ZNF407: variants seen among roughly 807,000 people sequenced by gnomAD.
ZNF407 encodes the protein zinc finger protein 407.
In ZNF407, 17 loss-of-function variants were observed where a neutral mutation model predicts 131.2. That is an observed-to-expected ratio of 0.13 (90% CI 0.09 to 0.19). The LOEUF is 0.19. ZNF407 is among the 10% of genes least tolerant of loss of function. ZNF407 has a pLI of 1.00. For missense variants in ZNF407, 2,681 were observed against 2,830.6 expected (o/e 0.95, Z 1.20); for synonymous variants, 1,156 against 1,062.0 (o/e 1.09, Z -1.72).
At chr18:74,684,181 T>A (rs1967046139) in intron 3 of ZNF407, among the ~76,000 whole-genome samples, 1 of 152,116 alleles carries the variant, frequency 6.6e-6, no homozygotes, top group Non-Finnish European at 1.5e-5. Flanking sequence ...GTTTTGTAGA[T>A]CTTTTCAGAG....
intron 4 of ZNF407, among the ~76,000 whole-genome samples, chr18:74,792,766 T>C (rs1051991349): frequency 6.6e-6 from 1 of 152,178 alleles, no homozygotes; most frequent in Admixed American, 6.5e-5. Context: ...CTTTTTCCTT[T>C]AGCTGAAACG....
At position 74,799,175 on chromosome 18, in the gene ZNF407, G is replaced by A. The variant is rs1442159790; in HGVS notation, c.4877+17673G>A. ...TTAAACTGTTCAAAGAAATTACTTAGCAATTAAACCTTCAGCAAAATTGTA... is the reference window on the plus strand; with the variant it reads ...TTAAACTGTTCAAAGAAATTACTTAACAATTAAACCTTCAGCAAAATTGTA... On this transcript the variant is annotated intron_variant, in intron 4 of 8. Coordinates refer to ENST00000299687, the MANE Select transcript of ZNF407 (RefSeq NM_017757.3). Among the ~76,000 whole-genome samples, 3 of 152,210 alleles carry A rather than the reference G, an allele frequency of 2.0e-5. No homozygotes were observed. In the East Asian group the frequency reaches 5.8e-4, roughly 29 times the overall value.
rs1027794198 is a variant in ZNF407, at chr18:75,059,015, C to T, written c.5429-4135C>T. On this transcript the variant is annotated intron_variant, in intron 8 of 8. Transcript: ENST00000299687. ...ATTGCTGAATCAAAAGATGGACCCGCGCTCGCATTTATGAACTGTGATGGA... is the reference window on the plus strand; with the variant it reads ...ATTGCTGAATCAAAAGATGGACCCGTGCTCGCATTTATGAACTGTGATGGA... Among the ~76,000 whole-genome samples the T allele has an allele frequency of 4.6e-5, 7 of 152,284 alleles. No individual in the cohort carries two copies. The South Asian group carries it at 8.3e-4, about 18-fold the overall frequency.
chr18:74,801,204 G>A (rs903653342), intron 4 of ZNF407, among the ~76,000 whole-genome samples: 9 of 152,038 alleles, frequency 5.9e-5, no homozygotes, highest in Admixed American at 2.0e-4. Context: ...TTTTTCTCTT[G>A]AGTATGATTA....
intron 7 of ZNF407, 22 bp from the exon 8 acceptor site, chr18:74,920,492 A>G (rs777493491): frequency 1.9e-6 from 3 of 1,552,108 alleles, no homozygotes; most frequent in Non-Finnish European, 2.6e-6. Flanking sequence ...AATTAGATTT[A>G]CTTTTCTGTC....
chr18:74,964,212 G>A (rs1383511080), intron 8 of ZNF407, among the ~76,000 whole-genome samples: 1 of 152,184 alleles, frequency 6.6e-6, no homozygotes, highest in African/African-American at 2.4e-5. Context: ...ATGGGATGTG[G>A]TATTCTAGTG....
At chr18:74,970,899 T>A (rs1363339189) in intron 8 of ZNF407, among the ~76,000 whole-genome samples, 1 of 152,242 alleles carries the variant, frequency 6.6e-6, no homozygotes, top group South Asian at 2.1e-4. Context: ...GCCCTGCCCC[T>A]GCAGCAAACT....
At chr18:74,648,904 C>T (rs981521595) in intron 3 of ZNF407, among the ~76,000 whole-genome samples, 2 of 152,082 alleles carry the variant, frequency 1.3e-5, no homozygotes, top group Admixed American at 1.3e-4. Flanking sequence ...ACATCTTAGT[C>T]CTGGGGTACT....
chr18:74,835,325 G>A (rs1424375667), intron 4 of ZNF407, among the ~76,000 whole-genome samples: 3 of 152,174 alleles, frequency 2.0e-5, no homozygotes, highest in Admixed American at 6.5e-5. Flanking sequence ...AAGGGAAGAC[G>A]GTTCAGTTCA....
At chr18:74,768,455 T>G (rs1439187416) in intron 3 of ZNF407, among the ~76,000 whole-genome samples, 2 of 152,250 alleles carry the variant, frequency 1.3e-5, no homozygotes, top group Admixed American at 1.3e-4. Context: ...TTTGGTGGAT[T>G]TATTGATTGG....
At chr18:74,807,891 T>A (rs565576798) in intron 4 of ZNF407, among the ~76,000 whole-genome samples, 5 of 152,318 alleles carry the variant, frequency 3.3e-5, no homozygotes, top group South Asian at 2.1e-4. Context: ...GTTTTATTTT[T>A]AAAAAATAAA....
intron 1 of ZNF407, among the ~76,000 whole-genome samples, chr18:74,602,291 C>T (rs1329585267): frequency 2.6e-5 from 4 of 152,086 alleles, no homozygotes; most frequent in East Asian, 3.8e-4. Flanking sequence ...GAACCTTTTG[C>T]GGGAGAAGGT....
At chr18:74,599,424 C>T (rs1339171850) in intron 1 of ZNF407, among the ~76,000 whole-genome samples, 1 of 152,196 alleles carries the variant, frequency 6.6e-6, no homozygotes, top group East Asian at 1.9e-4. Flanking sequence ...TTCAAAAACA[C>T]TGGTTCTTGC....
intron 3 of ZNF407, among the ~76,000 whole-genome samples, chr18:74,677,451 A>G (rs1599062156): frequency 6.6e-6 from 1 of 152,130 alleles, no homozygotes; most frequent in Non-Finnish European, 1.5e-5. Flanking sequence ...TGCCCTCAAA[A>G]TATTCTTTTA....
At chr18:75,017,883 C>T (rs1365034927) in intron 8 of ZNF407, among the ~76,000 whole-genome samples, 1 of 152,126 alleles carries the variant, frequency 6.6e-6, no homozygotes, top group African/African-American at 2.4e-5. Context: ...GTGGTGGGCA[C>T]CTGCCCCATG....
chr18:74,762,420 A>G (rs1294984693), intron 3 of ZNF407, among the ~76,000 whole-genome samples: 1 of 152,202 alleles, frequency 6.6e-6, no homozygotes, highest in African/African-American at 2.4e-5. Flanking sequence ...TTGAAGTATT[A>G]CATACGGAAA....
intron 4 of ZNF407, among the ~76,000 whole-genome samples, chr18:74,808,664 A>C (rs1436840912): frequency 6.6e-6 from 1 of 152,178 alleles, no homozygotes; most frequent in Non-Finnish European, 1.5e-5. Flanking sequence ...TAAACAGTAC[A>C]TATGCTCACC....
rs1168402025 is a variant in ZNF407, at chr18:74,920,655, T to C, written c.5391T>C (p.Pro1797=). ...GGAACCATTTGAAGGAACAGCATCC[T>C]GACATCGAAAACCCGGACCTCGCTT... ...EFRNHLKEQH[P]DIENPDLAYL... Residue 1797 remains proline, a synonymous_variant, in exon 8 of 9, where the codon CCT becomes CCC. Transcript: ENST00000299687. 1.2e-6 allele frequency: 2 copies of C among 1,609,940 alleles called. No homozygotes were observed. Among genetic ancestry groups the C allele is most frequent in the South Asian group, 2.2e-5 (2 of 90,848 alleles).
Position 74,605,593 on chromosome 18 carries a change from C to T in ZNF407, c.-54+7656C>T, listed in dbSNP as rs186551707. Among the ~76,000 whole-genome samples the T allele has an allele frequency of 2.6e-4, 39 of 152,302 alleles. No individual in the cohort carries two copies. In the Middle Eastern group the frequency reaches 0.01, roughly 40 times the overall value. On this transcript the variant is annotated intron_variant, in intron 1 of 8. Coordinates refer to ENST00000299687, the MANE Select transcript of ZNF407 (RefSeq NM_017757.3). ...ATCATAGGAAGTTTGTTTCCTCATA[C>T]ATAGCAGTTAAGGTTTTCTGTCCAG...
Sources: gnomAD v4.1 joint callset for allele counts (sites outside exome capture counted in the v4.1 genomes callset) on GRCh38, gnomAD v4.1.1 for gene constraint, MANE v1.5 for transcripts, NCBI Gene and HGNC (gene_info 2026-07-23, HGNC 2026-07-21) for gene names.